UBE2D2: variants seen among roughly 807,000 people sequenced by gnomAD.
UBE2D2 encodes the protein ubiquitin-conjugating enzyme E2 D2.
In UBE2D2, 2 loss-of-function variants were observed where a neutral mutation model predicts 24.2. The ratio of observed to expected loss-of-function variants is 0.08; its 90% CI spans 0.03 to 0.26. UBE2D2 has a LOEUF of 0.26. UBE2D2 is among the 10% of genes least tolerant of loss of function. The pLI, the probability that UBE2D2 is intolerant of heterozygous loss-of-function variation, is 1.00. For missense variants in UBE2D2, 44 were observed against 177.6 expected (o/e 0.25, Z 4.28); for synonymous variants, 58 against 56.5 (o/e 1.03, Z -0.12).
rs1327715686 is a variant in UBE2D2 at position 139,628,431 on chromosome 5, T to TA, written c.*1633dup. The TA allele has an allele frequency of 6.5e-6, 1 of 152,680 alleles. No individual in the cohort carries two copies. The highest frequency in any genetic ancestry group is 2.4e-5 in the African/African-American group (1 of 41,462). The allele number at this position is 152,680 out of a possible 1,614,324, so 9.5% of individuals were successfully genotyped here. A position where few individuals can be genotyped will look rare whatever the true frequency, so the allele number is the denominator to read the frequency against. On this transcript the variant is annotated 3_prime_UTR_variant, in exon 7 of 7. Transcript: ENST00000398733. ...AATAAATGTCCACTGCTTTTGGTTT[T>TA]AAACTTGTTCACCTTGTCTTATCTC...
rs1158327319 is a variant in UBE2D2 at position 139,596,121 on chromosome 5, T to G, written c.25-4251T>G. ...GTTGGCCAGGCTGGTCTCGAACTCC[T>G]GACCTCATGATCCGCCCACCTCAGC... On this transcript the variant is annotated intron_variant, in intron 1 of 6. Transcript: ENST00000398733. 2.6e-5 allele frequency among the ~76,000 whole-genome samples: 4 copies of G among 152,036 alleles called. No individual in the cohort carries two copies. In the East Asian group the frequency reaches 7.8e-4, roughly 30 times the overall value.
intron 5 of UBE2D2, among the ~76,000 whole-genome samples, chr5:139,617,174 CTT>C (rs760791722): frequency 2.8e-4 from 42 of 149,176 alleles, no homozygotes; most frequent in Admixed American, 1.3e-4. Flanking sequence ...CAGAGGGAGA[CTT>C]TGTCTCCAAA....
At chr5:139,549,437 G>A (rs867229343) in intron 1 of UBE2D2, among the ~76,000 whole-genome samples, 3 of 152,218 alleles carry the variant, frequency 2.0e-5, no homozygotes, top group Non-Finnish European at 4.4e-5. Flanking sequence ...CCCGCACTCC[G>A]AGCGGCCGGC....
At chr5:139,559,017 T>G (rs1446331278), upstream of UBE2D2, among the ~76,000 whole-genome samples, 1 of 152,010 alleles carries the variant, frequency 6.6e-6, no homozygotes, top group African/African-American at 2.4e-5. Flanking sequence ...CCCAGGCTGG[T>G]CTGGAACTCC....
intron 1 of UBE2D2, among the ~76,000 whole-genome samples, chr5:139,594,507 G>A (rs544318469): frequency 2.0e-5 from 3 of 151,904 alleles, no homozygotes; most frequent in South Asian, 2.1e-4. Flanking sequence ...TCTGCCTCAC[G>A]GGTTCTAGCG....
At chr5:139,578,357 G>A (rs938224534) in intron 1 of UBE2D2, among the ~76,000 whole-genome samples, 15 of 151,964 alleles carry the variant, frequency 9.9e-5, no homozygotes, top group African/African-American at 3.6e-4. Flanking sequence ...CGATTTTCCT[G>A]TCCTGTCTCT....
In UBE2D2 at chr5:139,538,587, G is replaced by A. The variant is rs568419593; in HGVS notation, c.-64+11975G>A. On this transcript the variant is annotated intron_variant, in intron 1 of 6. Transcript: ENST00000511725. ...TGGTAAAATATATATATATAAAACA[G>A]AGTCTGGTCACAGTGGCCCACGCCT... 2.6e-5 allele frequency among the ~76,000 whole-genome samples: 4 copies of A among 152,070 alleles called. 1 individual carries two copies. The East Asian group carries it at 7.8e-4, about 30-fold the overall frequency.
chr5:139,566,889 A>G (rs1005541293), intron 1 of UBE2D2, among the ~76,000 whole-genome samples: 2 of 151,922 alleles, frequency 1.3e-5, no homozygotes, highest in African/African-American at 2.4e-5. Flanking sequence ...AGAAGCCACA[A>G]ATCCAGATTT....
At chr5:139,575,226 T>G (rs2126659280) in intron 1 of UBE2D2, among the ~76,000 whole-genome samples, 1 of 151,500 alleles carries the variant, frequency 6.6e-6, no homozygotes, top group Non-Finnish European at 1.5e-5. Context: ...GAACAACATG[T>G]TGGGCTTTGT....
chr5:139,557,777 C>A (rs1460897529), upstream of UBE2D2, among the ~76,000 whole-genome samples: 13 of 152,040 alleles, frequency 8.6e-5, no homozygotes, highest in Admixed American at 8.5e-4. Flanking sequence ...AACCAATATC[C>A]CTCATGAACA....
intron 1 of UBE2D2, among the ~76,000 whole-genome samples, chr5:139,549,830 CT>C (rs1268379572): frequency 2.0e-5 from 3 of 152,200 alleles, no homozygotes. Flanking sequence ...ACTTGGAGAA[CT>C]TTTATGTCTA....
intron 1 of UBE2D2, among the ~76,000 whole-genome samples, chr5:139,577,251 T>C (rs1753494010): frequency 1.3e-5 from 2 of 152,042 alleles, no homozygotes; most frequent in Admixed American, 6.6e-5. Flanking sequence ...ATTTACAGTT[T>C]TAGGTTAACA....
intron 1 of UBE2D2, among the ~76,000 whole-genome samples, chr5:139,541,344 A>G (rs780765048): frequency 1.0e-4 from 15 of 149,088 alleles, no homozygotes; most frequent in Non-Finnish European, 1.9e-4. Context: ...GCTCACGCTT[A>G]TAATCCCAGC....
At chr5:139,538,568 A>AAT (rs1055814449) in intron 1 of UBE2D2, among the ~76,000 whole-genome samples, 5 of 151,948 alleles carry the variant, frequency 3.3e-5, no homozygotes, top group African/African-American at 4.8e-5. Flanking sequence ...CCCTTGGTAA[A>AAT]ATATATATAT....
chr5:139,534,749 A>T (rs964285415), intron 1 of UBE2D2, among the ~76,000 whole-genome samples: 2 of 151,756 alleles, frequency 1.3e-5, no homozygotes, highest in African/African-American at 4.8e-5. Flanking sequence ...AAAAAAGCAT[A>T]AAAAAAAGAA....
intron 1 of UBE2D2, among the ~76,000 whole-genome samples, chr5:139,566,933 A>C (rs900811590): frequency 6.6e-6 from 1 of 152,046 alleles, no homozygotes; most frequent in Admixed American, 6.6e-5. Flanking sequence ...AAAAAAAAGA[A>C]CAACAAAATA....
intron 1 of UBE2D2, among the ~76,000 whole-genome samples, chr5:139,586,577 A>G (rs986393802): frequency 2.0e-5 from 3 of 152,200 alleles, no homozygotes; most frequent in Middle Eastern, 3.2e-3. Context: ...CATCCTGGCT[A>G]ACATAGTGAA....
intron 1 of UBE2D2, among the ~76,000 whole-genome samples, chr5:139,546,804 TTTC>T (rs759733900): frequency 8.8e-5 from 13 of 146,938 alleles, no homozygotes; most frequent in South Asian, 2.3e-4. Context: ...TCTTTCTTTC[TTTC>T]TTCTTTCTTT....
chr5:139,554,107 T>A (rs1490691675), intron 1 of UBE2D2, among the ~76,000 whole-genome samples: 1 of 152,150 alleles, frequency 6.6e-6, no homozygotes, highest in Non-Finnish European at 1.5e-5. Context: ...GACAATTGTA[T>A]AAACTTGTAT....
Sources: gnomAD v4.1 joint callset for allele counts (sites outside exome capture counted in the v4.1 genomes callset) on GRCh38, gnomAD v4.1.1 for gene constraint, MANE v1.5 for transcripts, NCBI Gene and HGNC (gene_info 2026-07-23, HGNC 2026-07-21) for gene names.